The following PTAR1 variants were observed in gnomAD, a reference collection of about 807,000 sequenced individuals.
PTAR1 encodes the protein protein prenyltransferase alpha subunit repeat-containing protein 1.
Under a neutral mutation model 45.5 loss-of-function variants are expected in PTAR1, and 17 were observed. That is an observed-to-expected ratio of 0.37 (90% confidence interval 0.26 to 0.56). The LOEUF (loss-of-function observed/expected upper bound fraction) is 0.56. Ranked by LOEUF, PTAR1 falls within the 20% of genes least tolerant of loss-of-function variation. PTAR1 has a pLI of 0.77. For missense variants in PTAR1, 391 were observed against 476.3 expected (o/e 0.82, Z 1.67); for synonymous variants, 169 against 171.3 (o/e 0.99, Z 0.11).
At chr9:69,749,442 GA>G (rs1020275621) in intron 2 of PTAR1, among the ~76,000 whole-genome samples, 1 of 152,104 alleles carries the variant, frequency 6.6e-6, no homozygotes, top group Non-Finnish European at 1.5e-5. Flanking sequence ...CACGGTGATG[GA>G]ATGCAGAATT....
At chr9:69,733,002 T>A (rs1825611693) in intron 4 of PTAR1, among the ~76,000 whole-genome samples, 1 of 152,234 alleles carries the variant, frequency 6.6e-6, no homozygotes, top group Non-Finnish European at 1.5e-5. Flanking sequence ...TTAATGTGTT[T>A]ACTTTGTACC....
intron 1 of PTAR1, among the ~76,000 whole-genome samples, chr9:69,754,724 T>A (rs76692216): frequency 0.12 from 2,004 of 16,804 alleles, 39 homozygotes; most frequent in South Asian, 0.29. Flanking sequence ...ATATATATAT[T>A]TTTTTTTTTT....
In PTAR1 at chr9:69,718,418, A is replaced by G; in HGVS notation, c.1133T>C (p.Leu378Ser). Residue 378 changes from leucine to serine, a missense_variant, in exon 8 of 8, where the codon TTG becomes TCG. Leu to Ser is a moderately radical substitution (Grantham distance 145, BLOSUM62 -2). This residue lies in a region of PTAR1 where 181 missense variants were observed against 227.7 expected (regional missense o/e 0.80). Transcript: ENST00000340434. ...EMEHRFIDQV[L>S]STCRNVEQAR... ...TTGCTCCACGTTCCGACAGGTGGAC[A>G]ATACTTGATCAATGAACCTGTGCTC... 1.2e-6 allele frequency: 2 copies of G among 1,613,654 alleles called. No individual in the cohort carries two copies. The highest frequency in any genetic ancestry group is 8.5e-7 in the Non-Finnish European group (1 of 1,179,680).
At chr9:69,754,711 T>TAC (rs1183907519) in intron 1 of PTAR1, among the ~76,000 whole-genome samples, 1 of 32,566 alleles carries the variant, frequency 3.1e-5, no homozygotes. Flanking sequence ...CCAGCTAATA[T>TAC]ATATATATAT....
At chr9:69,724,392 A>C (rs1825169432) in intron 5 of PTAR1, among the ~76,000 whole-genome samples, 1 of 152,250 alleles carries the variant, frequency 6.6e-6, no homozygotes, top group Non-Finnish European at 1.5e-5. Flanking sequence ...AATTTATTTG[A>C]GAGTGTCTTG....
chr9:69,734,570 C>A (rs1825695551), intron 3 of PTAR1, among the ~76,000 whole-genome samples: 1 of 152,072 alleles, frequency 6.6e-6, no homozygotes, highest in Non-Finnish European at 1.5e-5. Flanking sequence ...GGTTTTCTGG[C>A]CTATCTCATT....
chr9:69,709,587 A>G lies in PTAR1; in HGVS notation c.*8755T>C. On this transcript the variant is annotated 3_prime_UTR_variant, in exon 8 of 8. Coordinates refer to ENST00000340434, the MANE Select transcript of PTAR1 (RefSeq NM_001099666.2). ...ATTTAGCAAAGGTAAGACAAATACT[A>G]TTTTCCATATTCTACAGAAATACAA... The G allele has an allele frequency of 6.6e-6, 1 of 152,148 alleles. No individual in the cohort carries two copies. Among genetic ancestry groups the G allele is most frequent in the Admixed American group, 6.6e-5 (1 of 15,266 alleles). 9.4% of individuals were successfully genotyped at this position (152,148 alleles called of 1,614,324 possible).
chr9:69,727,511 TAA>T (rs58927908), intron 5 of PTAR1, among the ~76,000 whole-genome samples: 38 of 149,080 alleles, frequency 2.5e-4, no homozygotes, highest in Middle Eastern at 3.5e-3. Context: ...TATTTAAGAT[TAA>T]AAAAAAAAAA....
At chr9:69,754,481 TAA>T (rs1826671905) in intron 1 of PTAR1, among the ~76,000 whole-genome samples, 1 of 146,284 alleles carries the variant, frequency 6.8e-6, no homozygotes, top group Non-Finnish European at 1.5e-5. Context: ...AAAAAAACCC[TAA>T]AAGTCACTTG....
intron 1 of PTAR1, chr9:69,757,624 T>C (rs994346361): frequency 5.9e-5 from 9 of 152,158 alleles, no homozygotes; most frequent in African/African-American, 1.7e-4. Context: ...TTTAATGAAG[T>C]AGATGTTGGC....
intron 1 of PTAR1, among the ~76,000 whole-genome samples, chr9:69,752,320 G>A (rs1255546815): frequency 6.6e-6 from 1 of 152,042 alleles, no homozygotes; most frequent in Non-Finnish European, 1.5e-5. Flanking sequence ...AAATTGGTAG[G>A]AGGCTGTGGA....
chr9:69,747,381 T>C (rs1423459624), intron 2 of PTAR1, among the ~76,000 whole-genome samples: 2 of 152,234 alleles, frequency 1.3e-5, no homozygotes, highest in Non-Finnish European at 2.9e-5. Flanking sequence ...ACCACACTGA[T>C]AATGCCAACA....
intron 3 of PTAR1, chr9:69,741,535 G>T: frequency 2.4e-6 from 1 of 409,472 alleles, no homozygotes; most frequent in Non-Finnish European, 4.5e-6. Context: ...AAAAAATGAA[G>T]GAAAATAAAA....
In PTAR1 at chr9:69,753,507, T is replaced by C. The variant is rs115335498; in HGVS notation, c.87-2557A>G. ...CAAGTCCTGGATGGAAATAGATATA[T>C]ACACACACACATATACATACATATC... On this transcript the variant is annotated intron_variant, in intron 1 of 7. Transcript: ENST00000340434. Among the ~76,000 whole-genome samples, 875 of 152,234 alleles carry C rather than the reference T, an allele frequency of 5.7e-3. 9 individuals are homozygous for C. The highest frequency in any genetic ancestry group is 0.018 in the African/African-American group (738 of 41,544).
chr9:69,734,882 T>C (rs1825713983), intron 3 of PTAR1, among the ~76,000 whole-genome samples: 2 of 152,228 alleles, frequency 1.3e-5, no homozygotes, highest in Admixed American at 6.5e-5. Context: ...CATGATTCTA[T>C]ATAATCTTTG....
chr9:69,752,443 G>A (rs1267851917), intron 1 of PTAR1, among the ~76,000 whole-genome samples: 2 of 151,948 alleles, frequency 1.3e-5, no homozygotes, highest in Non-Finnish European at 2.9e-5. Flanking sequence ...GATATCTTAG[G>A]GGTTGCAAGA....
chr9:69,711,664 A>G lies in PTAR1; in HGVS notation c.*6678T>C, dbSNP rs913942477. 6.6e-6 allele frequency: 1 copy of G among 152,216 alleles called. No homozygotes were observed. The highest frequency in any genetic ancestry group is 1.5e-5 in the Non-Finnish European group (1 of 68,030). 9.4% of individuals were successfully genotyped at this position (152,216 alleles called of 1,614,324 possible). A position where few individuals can be genotyped will look rare whatever the true frequency, so the allele number is the denominator to read the frequency against. On this transcript the variant is annotated 3_prime_UTR_variant, in exon 8 of 8. Coordinates refer to ENST00000340434, the MANE Select transcript of PTAR1 (RefSeq NM_001099666.2). ...CAGCAGTTCTCTCTAGAGTTCAGCC[A>G]GCTGCTTATTAAGACATTTAATTAC...
intron 1 of PTAR1, among the ~76,000 whole-genome samples, chr9:69,753,593 T>C (rs1250739424): frequency 6.6e-6 from 1 of 152,178 alleles, no homozygotes; most frequent in Non-Finnish European, 1.5e-5. Flanking sequence ...ATGGTAGAAT[T>C]GTATTATACC....
At chr9:69,727,026 TACAC>T (rs71356128) in intron 5 of PTAR1, among the ~76,000 whole-genome samples, 3,890 of 147,080 alleles carry the variant, frequency 0.026, 84 homozygotes, top group Middle Eastern at 0.09. Context: ...ATTGTGTATA[TACAC>T]ACACACACAC....
Sources: allele counts gnomAD v4.1 joint callset (sites outside exome capture counted in the v4.1 genomes callset), GRCh38; gene constraint gnomAD v4.1.1; regional missense constraint gnomAD v4.1.1; transcripts MANE v1.5; gene names NCBI Gene and HGNC (gene_info 2026-07-23, HGNC 2026-07-21).